SPAG16: variants seen among roughly 807,000 people sequenced by gnomAD.
SPAG16 encodes sperm-associated antigen 16 protein.
A neutral mutation model predicts 80.4 loss-of-function variants in SPAG16; 86 were observed. That is an observed-to-expected ratio of 1.07 (90% CI 0.90 to 1.28). SPAG16 has a LOEUF of 1.28. Ranked by LOEUF, SPAG16 falls within the 50% of genes most tolerant of loss-of-function variation. The probability of loss-of-function intolerance (pLI) is 0.00; values close to 1 mark genes in which losing one functional copy is unlikely to be tolerated. For synonymous variants in SPAG16, 294 were observed against 265.9 expected (o/e 1.11, Z -1.03); for missense variants, 870 against 765.3 (o/e 1.14, Z -1.61).
At chr2:213,561,531 C>T (rs1247969946) in intron 10 of SPAG16, among the ~76,000 whole-genome samples, 2 of 151,988 alleles carry the variant, frequency 1.3e-5, no homozygotes, top group Admixed American at 6.6e-5. Context: ...CTCTTGTACC[C>T]CATAAATGTA....
At chr2:213,413,125 T>C (rs2125403873) in intron 9 of SPAG16, among the ~76,000 whole-genome samples, 1 of 152,250 alleles carries the variant, frequency 6.6e-6, no homozygotes, top group South Asian at 2.1e-4. Context: ...AGACTATAAA[T>C]GGTTTTACTG....
chr2:214,314,422 C>A (rs1336543386), intron 15 of SPAG16, among the ~76,000 whole-genome samples: 4 of 152,130 alleles, frequency 2.6e-5, no homozygotes, highest in African/African-American at 9.7e-5. Flanking sequence ...TTTCCAAGTT[C>A]TAAAACATGA....
At position 214,229,471 on chromosome 2, in the gene SPAG16, T is replaced by TA. The variant is rs1241138731; in HGVS notation, c.1720+80205_1720+80206insA. Among the ~76,000 whole-genome samples, 199 of 151,900 alleles carry TA rather than the reference T, an allele frequency of 1.3e-3. 2 individuals carry two copies. Among genetic ancestry groups the TA allele is most frequent in the African/African-American group, 4.2e-3 (174 of 41,482 alleles). On this transcript the variant is annotated intron_variant, in intron 15 of 15. Transcript: ENST00000331683. Reference sequence around the variant, plus strand: ...GAAGGGCTATTGTCTGTATATTATATTTATATGTATGTGTATATATATTTA... The same window carrying TA: ...GAAGGGCTATTGTCTGTATATTATATATTATATGTATGTGTATATATATTTA...
At chr2:213,952,918 A>C (rs761331037) in intron 12 of SPAG16, among the ~76,000 whole-genome samples, 12 of 152,104 alleles carry the variant, frequency 7.9e-5, no homozygotes, top group Non-Finnish European at 1.8e-4. Flanking sequence ...AACAAGTTTC[A>C]ATCACCAGAT....
intron 5 of SPAG16, among the ~76,000 whole-genome samples, chr2:213,339,221 T>C (rs2064548608): frequency 6.6e-6 from 1 of 152,164 alleles, no homozygotes; most frequent in Non-Finnish European, 1.5e-5. Flanking sequence ...CTGACACCGC[T>C]TAAAGCAGAA....
intron 4 of SPAG16, among the ~76,000 whole-genome samples, chr2:213,313,963 A>G (rs1019921300): frequency 1.3e-5 from 2 of 151,874 alleles, no homozygotes; most frequent in Non-Finnish European, 2.9e-5. Flanking sequence ...TATAATCAAG[A>G]TGACCTTTCC....
chr2:214,231,621 G>A (rs1688711132), intron 15 of SPAG16, among the ~76,000 whole-genome samples: 1 of 151,994 alleles, frequency 6.6e-6, no homozygotes, highest in African/African-American at 2.4e-5. Flanking sequence ...TAGCCAAGTG[G>A]CATTACTCCA....
chr2:213,308,155 A>AT (rs1194133760), intron 3 of SPAG16, among the ~76,000 whole-genome samples: 1 of 152,130 alleles, frequency 6.6e-6, no homozygotes, highest in African/African-American at 2.4e-5. Flanking sequence ...TTTTAATTTT[A>AT]TTTTTATTGA....
chr2:213,820,488 T>G (rs1271700736), intron 10 of SPAG16, among the ~76,000 whole-genome samples: 2 of 152,148 alleles, frequency 1.3e-5, no homozygotes, highest in Non-Finnish European at 2.9e-5. Flanking sequence ...TGCACAGGAA[T>G]AGATGCTTAA....
intron 15 of SPAG16, among the ~76,000 whole-genome samples, chr2:214,339,249 TCTC>T (rs1697502448): frequency 6.6e-6 from 1 of 152,128 alleles, no homozygotes; most frequent in African/African-American, 2.4e-5. Context: ...GAAAACTACT[TCTC>T]CTTAATTACA....
At chr2:214,234,730 G>A (rs1336325467) in intron 15 of SPAG16, among the ~76,000 whole-genome samples, 3 of 151,906 alleles carry the variant, frequency 2.0e-5, no homozygotes, top group Non-Finnish European at 4.4e-5. Context: ...TTTTGAATGG[G>A]GTTGTTTTTT....
intron 10 of SPAG16, among the ~76,000 whole-genome samples, chr2:213,801,651 A>T (rs1423747958): frequency 6.6e-6 from 1 of 152,174 alleles, no homozygotes; most frequent in Non-Finnish European, 1.5e-5. Flanking sequence ...CACAGGAGAA[A>T]ATGGAGGTTG....
intron 10 of SPAG16, among the ~76,000 whole-genome samples, chr2:213,801,395 C>T (rs926328335): frequency 6.6e-6 from 1 of 152,180 alleles, no homozygotes; most frequent in Non-Finnish European, 1.5e-5. Context: ...GTTTTCACCA[C>T]GTACTAAAAG....
chr2:213,834,893 A>G (rs1210255163), intron 10 of SPAG16, among the ~76,000 whole-genome samples: 1 of 152,124 alleles, frequency 6.6e-6, no homozygotes. Flanking sequence ...AGCTTTTGTC[A>G]TCTGTTTCTA....
intron 10 of SPAG16, among the ~76,000 whole-genome samples, chr2:213,706,489 ATT>A (rs1228747843): frequency 6.6e-6 from 1 of 152,226 alleles, no homozygotes; most frequent in African/African-American, 2.4e-5. Context: ...AGCAATGAAG[ATT>A]AATGCAATTC....
intron 15 of SPAG16, among the ~76,000 whole-genome samples, chr2:214,224,554 T>G (rs2058656907): frequency 6.6e-6 from 1 of 152,130 alleles, no homozygotes; most frequent in South Asian, 2.1e-4. Context: ...AACTTGAGAA[T>G]TAAATCAGAG....
intron 10 of SPAG16, among the ~76,000 whole-genome samples, chr2:213,830,366 T>G (rs943658301): frequency 2.0e-5 from 3 of 152,164 alleles, no homozygotes; most frequent in African/African-American, 7.2e-5. Context: ...GTGGGATGGG[T>G]GAGGGGTAGT....
intron 15 of SPAG16, among the ~76,000 whole-genome samples, chr2:214,161,680 TG>T (rs747290133): frequency 2.0e-5 from 3 of 151,004 alleles, no homozygotes; most frequent in Admixed American, 6.6e-5. Flanking sequence ...TGTAGAGGGG[TG>T]GGGTTGATGG....
intron 9 of SPAG16, among the ~76,000 whole-genome samples, chr2:213,425,464 A>G (rs1001251677): frequency 1.1e-4 from 16 of 152,160 alleles, no homozygotes; most frequent in Admixed American, 2.0e-4. Context: ...AGTATAGCCA[A>G]CAAAGTGAAA....
Sources: gnomAD v4.1 joint callset for allele counts (sites outside exome capture counted in the v4.1 genomes callset) on GRCh38, gnomAD v4.1.1 for gene constraint, MANE v1.5 for transcripts, NCBI Gene and HGNC (gene_info 2026-07-23, HGNC 2026-07-21) for gene names.